The following RNASET2 variants were observed in gnomAD, a reference collection of about 807,000 sequenced individuals.
The protein encoded by RNASET2 is ribonuclease 6.
RNASET2 carries 28 observed loss-of-function variants against 33.9 expected under a neutral mutation model. The observed-to-expected ratio is 0.83, with a 90% CI of 0.61 to 1.13. The LOEUF (loss-of-function observed/expected upper bound fraction) is 1.13, where lower values mean the gene tolerates loss of function less well. Among genes scored for constraint, RNASET2 ranks in the 50% most tolerant of loss-of-function variants. The pLI, the probability that RNASET2 is intolerant of heterozygous loss-of-function variation, is 0.00. For missense variants in RNASET2, 330 were observed against 319.9 expected, an observed-to-expected ratio of 1.03 and a Z score of -0.24; for synonymous variants, 123 against 121.0, an observed-to-expected ratio of 1.02 and a Z score of -0.11.
At position 166,923,330 on chromosome 6, in the gene RNASET2, C is replaced by G. The variant is rs1215834544; in HGVS notation, c.*6258G>C. ...CCTCCACCTCCTGGGTTCAAGCCATCCTCTCACCTCAGCCTCCTGAGTAGC... is the reference window on the plus strand; with the variant it reads ...CCTCCACCTCCTGGGTTCAAGCCATGCTCTCACCTCAGCCTCCTGAGTAGC... On this transcript the variant is annotated 3_prime_UTR_variant, in exon 9 of 9. Transcript: ENST00000508775. Among the ~76,000 whole-genome samples the G allele has an allele frequency of 1.3e-5, 2 of 150,294 alleles. No individual in the cohort carries two copies. The highest frequency in any genetic ancestry group is 3.0e-5 in the Non-Finnish European group (2 of 67,774).
At chr6:166,931,916 A>G (rs1536643) in intron 7 of RNASET2, 1 of 154,266 alleles carries the variant, frequency 6.5e-6, no homozygotes, top group Non-Finnish European at 1.4e-5. Context: ...TTCCTGCCCC[A>G]TCTCCTTGGC....
chr6:166,940,113 G>A (rs1455732538), intron 5 of RNASET2, among the ~76,000 whole-genome samples: 2 of 152,212 alleles, frequency 1.3e-5, no homozygotes, highest in African/African-American at 4.8e-5. Flanking sequence ...AACTGCTGAC[G>A]AGATTGACAG....
rs1195517871 is a variant in RNASET2, at chr6:166,923,843, T to C, written c.*5745A>G. On this transcript the variant is annotated 3_prime_UTR_variant, in exon 9 of 9. Coordinates refer to ENST00000508775, the MANE Select transcript of RNASET2 (RefSeq NM_003730.6). ...ATTTCATTTCAGGAGCTAGAGCTTG[T>C]GAGGAAAAGTAGTATTTTAACTTCT... 6.6e-6 allele frequency among the ~76,000 whole-genome samples: 1 copy of C among 152,224 alleles called. No individual in the cohort carries two copies. Among genetic ancestry groups the C allele is most frequent in the Non-Finnish European group, 1.5e-5 (1 of 68,028 alleles).
At chr6:166,952,772 A>G (rs1779019128) in intron 1 of RNASET2, 5 of 530,048 alleles carry the variant, frequency 9.4e-6, no homozygotes, top group South Asian at 3.8e-5. Context: ...GGAGAACATG[A>G]ATAGGATAAG....
chr6:166,956,204 C>CGCTGCCA lies in RNASET2; in HGVS notation c.-29_-23dup. The CGCTGCCA allele has an allele frequency of 1.3e-6, 2 of 1,543,794 alleles. No homozygotes were observed. The highest frequency in any genetic ancestry group is 1.8e-6 in the Non-Finnish European group (2 of 1,142,462). On this transcript the variant is annotated 5_prime_UTR_variant, in exon 1 of 9. Transcript: ENST00000508775. Reference sequence around the variant, plus strand: ...GCATGGTGCCGACCTGCGGAGAGAACGCTGCCAGCTGCCGCTCCGGCTCCC... The same window carrying CGCTGCCA: ...GCATGGTGCCGACCTGCGGAGAGAACGCTGCCAGCTGCCAGCTGCCGCTCCGGCTCCC...
intron 1 of RNASET2, among the ~76,000 whole-genome samples, chr6:166,955,221 G>GCACACA (rs1160982253): frequency 4.3e-5 from 4 of 94,014 alleles, no homozygotes; most frequent in African/African-American, 1.4e-4. Context: ...ACGCACACAC[G>GCACACA]CGCACACACG....
At position 166,926,014 on chromosome 6, in the gene RNASET2, G is replaced by A. The variant is rs534051429; in HGVS notation, c.*3574C>T. Among the ~76,000 whole-genome samples the A allele has an allele frequency of 6.8e-4, 104 of 152,304 alleles. No individual in the cohort carries two copies. Among genetic ancestry groups the A allele is most frequent in the African/African-American group, 2.3e-3 (96 of 41,572 alleles). On this transcript the variant is annotated 3_prime_UTR_variant, in exon 9 of 9. Coordinates refer to ENST00000508775, the MANE Select transcript of RNASET2 (RefSeq NM_003730.6). ...AGAGTGGCACAAACACGGTGCCAGCGTCCAGCACTGACAGTCAGGTGGCGT... is the reference window on the plus strand; with the variant it reads ...AGAGTGGCACAAACACGGTGCCAGCATCCAGCACTGACAGTCAGGTGGCGT...
intron 5 of RNASET2, among the ~76,000 whole-genome samples, chr6:166,939,731 C>T (rs1016587776): frequency 6.6e-6 from 1 of 152,172 alleles, no homozygotes; most frequent in Non-Finnish European, 1.5e-5. Context: ...ACACCTCAGG[C>T]CCATTTTCCA....
At position 166,927,350 on chromosome 6, in the gene RNASET2, A is replaced by T. The variant is rs1240016524; in HGVS notation, c.*2238T>A. ...GAGAGCCAAGCATTTGCTTGTGCTC[A>T]TGTTTTGAACCATCCAGCCCCTCAC... On this transcript the variant is annotated 3_prime_UTR_variant, in exon 9 of 9. Transcript: ENST00000508775. 6.6e-6 allele frequency among the ~76,000 whole-genome samples: 1 copy of T among 152,102 alleles called. No individual in the cohort carries two copies. Among genetic ancestry groups the T allele is most frequent in the Admixed American group, 6.5e-5 (1 of 15,270 alleles).
At chr6:166,950,315 C>T (rs1397740165) in intron 2 of RNASET2, among the ~76,000 whole-genome samples, 1 of 152,228 alleles carries the variant, frequency 6.6e-6, no homozygotes, top group Non-Finnish European at 1.5e-5. Context: ...CAGCTTCCGG[C>T]TCCTTCTGTC....
rs576639665 is a variant in RNASET2 at position 166,923,228 on chromosome 6, C to CTTTTTTTTTTTTT, written c.*6347_*6359dup. On this transcript the variant is annotated 3_prime_UTR_variant, in exon 9 of 9. Transcript: ENST00000508775. ...ACAGGCGTGAGCCACCAGGCCCGGC[C>CTTTTTTTTTTTTT]TTTTTTTTTTTTTTTTTTTTTGAGA... 3.5e-3 allele frequency among the ~76,000 whole-genome samples: 356 copies of CTTTTTTTTTTTTT among 102,616 alleles called. 29 individuals are homozygous for CTTTTTTTTTTTTT. Among genetic ancestry groups the CTTTTTTTTTTTTT allele is most frequent in the African/African-American group, 0.017 (316 of 19,102 alleles). The allele number at this position is 102,616 out of a possible 152,430, so 67.3% of individuals were successfully genotyped here.
rs1779158300 is a variant in RNASET2, at chr6:166,956,097, C to A, written c.86G>T (p.Arg29Leu). 4 of 1,552,102 alleles carry A rather than the reference C, an allele frequency of 2.6e-6. No individual in the cohort carries two copies. The highest frequency in any genetic ancestry group is 1.4e-5 in the African/African-American group (1 of 73,064). The change falls in exon 1 of 9, where the codon CGT becomes CTT. Residue 29 changes from arginine to leucine, a missense_variant and splice_region_variant. By Grantham distance (102) the Arg-to-Leu change is moderately radical (BLOSUM62 -2). Coordinates refer to ENST00000508775, the MANE Select transcript of RNASET2 (RefSeq NM_003730.6). ...CACTTTACCTCGCAAGGTAACTCAC[C>A]GCAGGCGCTTGTCCGCACCGCCCAG... Reference protein sequence around the residue: ...LCLGGADKRLRDNHEWKKLIM... With the variant: ...LCLGGADKRLLDNHEWKKLIM...
chr6:166,949,943 G>A (rs1042213349), intron 2 of RNASET2, among the ~76,000 whole-genome samples: 1 of 152,208 alleles, frequency 6.6e-6, no homozygotes, highest in Non-Finnish European at 1.5e-5. Flanking sequence ...GGACACCTGG[G>A]CTCAAACAGA....
intron 1 of RNASET2, among the ~76,000 whole-genome samples, chr6:166,955,175 C>CCACA (rs144459587): frequency 9.9e-5 from 13 of 131,064 alleles, no homozygotes; most frequent in South Asian, 5.1e-4. Flanking sequence ...TGGGCGGCTG[C>CCACA]CACACACACA....
chr6:166,930,670 C>T (rs1583213161), intron 8 of RNASET2, among the ~76,000 whole-genome samples: 1 of 150,592 alleles, frequency 6.6e-6, no homozygotes, highest in East Asian at 2.0e-4. Context: ...CACATGCGCA[C>T]ATGTATACTC....
Position 166,936,696 on chromosome 6 carries a change from C to G in RNASET2, c.446+2199G>C, listed in dbSNP as rs115150962. Among the ~76,000 whole-genome samples the G allele has an allele frequency of 4.0e-3, 615 of 152,308 alleles. 1 individual carries two copies. Among genetic ancestry groups the G allele is most frequent in the African/African-American group, 0.014 (569 of 41,564 alleles). ...TTAACCTACTCATGAGGGATCCTTC[C>G]CCGCAGCTCAAACACCTCCCACCTC... On this transcript the variant is annotated intron_variant, in intron 6 of 8. Transcript: ENST00000508775.
In RNASET2 at chr6:166,925,103, C is replaced by T. The variant is rs748149003; in HGVS notation, c.*4485G>A. Among the ~76,000 whole-genome samples the T allele has an allele frequency of 1.4e-4, 22 of 151,740 alleles. No individual in the cohort carries two copies. The highest frequency in any genetic ancestry group is 2.5e-4 in the Non-Finnish European group (17 of 67,870). On this transcript the variant is annotated 3_prime_UTR_variant, in exon 9 of 9. Transcript: ENST00000508775. Reference sequence around the variant, plus strand: ...ATTCTCCCTGCCGTCTAGCCCAAAACCGGAACAGCACAGCCCTCACCTCTG... The same window carrying T: ...ATTCTCCCTGCCGTCTAGCCCAAAATCGGAACAGCACAGCCCTCACCTCTG...
At chr6:166,934,978 T>C (rs1778531610) in intron 6 of RNASET2, 3 of 152,250 alleles carry the variant, frequency 2.0e-5, no homozygotes, top group African/African-American at 4.8e-5. Context: ...AATATCCTAG[T>C]TCCCCATCAA....
intron 4 of RNASET2, chr6:166,943,605 C>G (rs111927261): frequency 3.8e-4 from 133 of 349,194 alleles, no homozygotes; most frequent in African/African-American, 2.8e-3. Context: ...CCAGAGCACA[C>G]TGGGTGGGAC....
Sources: gnomAD v4.1 joint callset for allele counts (sites outside exome capture counted in the v4.1 genomes callset) on GRCh38, gnomAD v4.1.1 for gene constraint, MANE v1.5 for transcripts, NCBI Gene and HGNC (gene_info 2026-07-23, HGNC 2026-07-21) for gene names.